Variants in GINM1 observed in about 807,000 individuals in gnomAD.
GINM1 encodes the protein glycosylated integral membrane protein 1.
Under a neutral mutation model 37.8 loss-of-function variants are expected in GINM1, and 29 were observed. The observed-to-expected ratio is 0.77, with a 90% confidence interval of 0.57 to 1.05. GINM1 has a LOEUF of 1.05. Among genes scored for constraint, GINM1 ranks in the 50% least tolerant of loss-of-function variants. The pLI is 0.00. For synonymous variants in GINM1, 143 were observed against 146.2 expected (o/e 0.98, Z 0.16); for missense variants, 377 against 397.9 (o/e 0.95, Z 0.45).
At position 149,579,952 on chromosome 6, in the gene GINM1, G is replaced by A. The variant is rs758714565; in HGVS notation, c.548G>A (p.Ser183Asn). 1 of 1,609,926 alleles carries A rather than the reference G, an allele frequency of 6.2e-7. No homozygotes were observed. Among genetic ancestry groups the A allele is most frequent in the East Asian group, 2.2e-5 (1 of 44,734 alleles). ...ESMLYSISRD[S>N]DILFTLPNLS... Reference sequence around the variant, plus strand: ...ATGCTCTACTCTATTTCTCGAGACAGTGACATTTTATTTACCCTTCCTAAC... The same window carrying A: ...ATGCTCTACTCTATTTCTCGAGACAATGACATTTTATTTACCCTTCCTAAC... The change falls in exon 5 of 8, where the codon AGT becomes AAT. Residue 183 changes from serine to asparagine, a missense_variant. Physicochemically the swap from Ser to Asn is conservative, Grantham distance 46. Coordinates refer to ENST00000367419, the MANE Select transcript of GINM1 (RefSeq NM_138785.5).
At chr6:149,589,413 C>T (rs1194816646) in intron 7 of GINM1, among the ~76,000 whole-genome samples, 2 of 151,730 alleles carry the variant, frequency 1.3e-5, no homozygotes, top group South Asian at 4.2e-4. Context: ...GCTGGGATTA[C>T]AGGCGTGCAC....
chr6:149,567,826 T>C (rs1222954727), intron 1 of GINM1, among the ~76,000 whole-genome samples: 2 of 152,168 alleles, frequency 1.3e-5, no homozygotes, highest in Admixed American at 6.5e-5. Context: ...GGTTAAACAA[T>C]AGGAATGTGA....
chr6:149,575,507 C>T (rs1182166106), intron 3 of GINM1, among the ~76,000 whole-genome samples: 1 of 152,230 alleles, frequency 6.6e-6, no homozygotes, highest in Non-Finnish European at 1.5e-5. Flanking sequence ...AACCTCTCCA[C>T]CTGTTCTGTC....
rs758354098 is a variant in GINM1 at position 149,572,510 on chromosome 6, G to A, written c.184G>A (p.Val62Ile). The A allele has an allele frequency of 2.6e-6, 4 of 1,560,730 alleles. No homozygotes were observed. Among genetic ancestry groups the A allele is most frequent in the Non-Finnish European group, 2.6e-6 (3 of 1,141,832 alleles). ...DDGDISKQQV[V>I]LNITYESGQV... is the part of the protein sequence containing the mutation. Reference sequence around the variant, plus strand: ...GTATATGCTGCTTTATTTTAAGGTTGTTCTTAACATAACCTATGAGAGTGG... The same window carrying A: ...GTATATGCTGCTTTATTTTAAGGTTATTCTTAACATAACCTATGAGAGTGG... The change falls in exon 3 of 8, where the codon GTT becomes ATT. Residue 62 changes from valine to isoleucine, a missense_variant. Transcript: ENST00000367419.
At chr6:149,590,576 T>C in intron 7 of GINM1, 151 bp from the exon 8 acceptor site, 2 of 554,342 alleles carry the variant, frequency 3.6e-6, no homozygotes, top group Middle Eastern at 4.8e-4. Flanking sequence ...GGGCTCAGTT[T>C]GTACAACCAC....
rs373228704 is a variant in GINM1, at chr6:149,582,610, A to G, written c.881+7A>G. On this transcript the variant is annotated splice_region_variant and intron_variant, in intron 7 of 7. Transcript: ENST00000367419. ...TCCCAGTTTCTGAATACAAGTAAGT[A>G]TTTCTTATTTTTGAAATGTTAGTAT... 67 of 1,531,990 alleles carry G rather than the reference A, an allele frequency of 4.4e-5. No homozygotes were observed. Among genetic ancestry groups the G allele is most frequent in the Non-Finnish European group, 5.7e-5 (65 of 1,135,830 alleles). The allele number at this position is 1,531,990 out of a possible 1,614,324, so 94.9% of individuals were successfully genotyped here. A position where few individuals can be genotyped will look rare whatever the true frequency, so the allele number is the denominator to read the frequency against.
chr6:149,580,662 A>G lies in GINM1; in HGVS notation c.656A>G (p.Asp219Gly). 1.2e-6 allele frequency: 2 copies of G among 1,612,350 alleles called. No homozygotes were observed. The highest frequency in any genetic ancestry group is 1.1e-5 in the South Asian group (1 of 91,048). ...IRNVETTVDEDVLPGKLPETP... is the reference protein window; with the variant it reads ...IRNVETTVDEGVLPGKLPETP... The stretch of plus-strand genomic sequence containing the variant: ...AATGTGGAAACCACTGTAGATGAAG[A>G]TGTTTTACCTGGCAAGTTACCTGAA... Residue 219 changes from aspartate to glycine, a missense_variant, in exon 6 of 8, where the codon GAT (aspartate) becomes GGT (glycine). Asp to Gly is a moderately conservative substitution (Grantham distance 94, BLOSUM62 -1). Coordinates refer to ENST00000367419, the MANE Select transcript of GINM1 (RefSeq NM_138785.5).
intron 3 of GINM1, among the ~76,000 whole-genome samples, chr6:149,572,959 C>G (rs1320717259): frequency 6.6e-6 from 1 of 152,172 alleles, no homozygotes; most frequent in Non-Finnish European, 1.5e-5. Context: ...AGCCCCTGTG[C>G]CTGGCCTGTT....
chr6:149,569,190 C>T (rs1326568883), intron 1 of GINM1, among the ~76,000 whole-genome samples: 7 of 151,714 alleles, frequency 4.6e-5, no homozygotes, highest in Non-Finnish European at 8.8e-5. Context: ...CCCGCCACTG[C>T]GCCCAGCTAA....
chr6:149,583,891 G>A (rs9689579), intron 7 of GINM1, among the ~76,000 whole-genome samples: 5,151 of 152,074 alleles, frequency 0.034, 313 homozygotes, highest in African/African-American at 0.12. Context: ...ACTTCCTTTT[G>A]TATATTTTTT....
chr6:149,574,454 T>C (rs982808877), intron 3 of GINM1, among the ~76,000 whole-genome samples: 3 of 152,246 alleles, frequency 2.0e-5, no homozygotes, highest in Non-Finnish European at 4.4e-5. Context: ...TCTTGTTTCC[T>C]CTTTGTCCCA....
intron 3 of GINM1, among the ~76,000 whole-genome samples, chr6:149,578,525 CAAA>C (rs145601764): frequency 7.0e-5 from 5 of 71,412 alleles, no homozygotes; most frequent in East Asian, 3.5e-4. Flanking sequence ...GACTCCATCT[CAAA>C]AAAAAAAAAA....
At chr6:149,574,734 G>A (rs965245766) in intron 3 of GINM1, among the ~76,000 whole-genome samples, 3 of 152,086 alleles carry the variant, frequency 2.0e-5, no homozygotes, top group Non-Finnish European at 4.4e-5. Context: ...CCAGTGTGGT[G>A]GTGCAGGCTT....
At chr6:149,576,029 T>C (rs1777909581) in intron 3 of GINM1, 2 of 152,206 alleles carry the variant, frequency 1.3e-5, no homozygotes, top group Non-Finnish European at 2.9e-5. Flanking sequence ...TATTGCTGCA[T>C]AACAGTTTAA....
intron 1 of GINM1, among the ~76,000 whole-genome samples, chr6:149,570,760 A>G (rs77084297): frequency 6.6e-6 from 1 of 152,252 alleles, no homozygotes; most frequent in Non-Finnish European, 1.5e-5. Flanking sequence ...TACAACCTCA[A>G]AGAAAAAGTA....
Position 149,590,756 on chromosome 6 carries a change from T to A in GINM1, c.911T>A (p.Val304Asp), listed in dbSNP as rs141208211. The A allele has an allele frequency of 1.3e-6, 2 of 1,592,704 alleles. No homozygotes were observed. Among genetic ancestry groups the A allele is most frequent in the Non-Finnish European group, 8.6e-7 (1 of 1,161,218 alleles). Residue 304 changes from valine to aspartate, a missense_variant, in exon 8 of 8, where the codon GTC (valine) becomes GAC (aspartate). Transcript: ENST00000367419. The part of the protein sequence containing the change: ...KGILQLDKVD[V>D]IPVTAINLYP... ...ATTCTTCAGTTGGATAAAGTGGACG[T>A]CATACCTGTGACAGCTATCAACTTA...
chr6:149,569,463 C>G (rs557954313), intron 1 of GINM1, among the ~76,000 whole-genome samples: 1 of 151,626 alleles, frequency 6.6e-6, no homozygotes, highest in South Asian at 2.1e-4. Flanking sequence ...CTCAGCCTCC[C>G]AGATAGCTGG....
intron 3 of GINM1, among the ~76,000 whole-genome samples, chr6:149,576,557 C>T (rs756475981): frequency 6.6e-6 from 1 of 151,906 alleles, no homozygotes; most frequent in Non-Finnish European, 1.5e-5. Context: ...TCAAGACCAG[C>T]CTAGGCAAGA....
At chr6:149,585,058 T>A (rs540391139) in intron 7 of GINM1, among the ~76,000 whole-genome samples, 1 of 152,172 alleles carries the variant, frequency 6.6e-6, no homozygotes, top group Non-Finnish European at 1.5e-5. Flanking sequence ...TAATAAAAAT[T>A]CTGTAGTTTA....
Sources: allele counts gnomAD v4.1 joint callset (sites outside exome capture counted in the v4.1 genomes callset), GRCh38; gene constraint gnomAD v4.1.1; transcripts MANE v1.5; gene names NCBI Gene and HGNC (gene_info 2026-07-23, HGNC 2026-07-21).